The following SRFBP1 variants were observed in gnomAD, a reference collection of about 807,000 sequenced individuals.
SRFBP1 encodes serum response factor-binding protein 1.
SRFBP1 carries 47 observed loss-of-function variants against 45.5 expected under a neutral mutation model. The ratio of observed to expected loss-of-function variants is 1.03; its 90% CI spans 0.82 to 1.32. SRFBP1 has a LOEUF of 1.32. SRFBP1 is among the 40% of genes most tolerant of loss of function. The pLI is 0.00. For missense variants in SRFBP1, 621 were observed against 484.6 expected (o/e 1.28, Z -2.64); for synonymous variants, 203 against 166.3 (o/e 1.22, Z -1.70).
At chr5:122,014,692 G>C (rs1002137617) in intron 4 of SRFBP1, among the ~76,000 whole-genome samples, 1 of 152,148 alleles carries the variant, frequency 6.6e-6, no homozygotes, top group Non-Finnish European at 1.5e-5. Flanking sequence ...GTTAGTCTGG[G>C]ATATCTTCCA....
In SRFBP1 at chr5:121,975,302, G is replaced by A. The variant is rs1169864545; in HGVS notation, c.126-13G>A. On this transcript the variant is annotated splice_polypyrimidine_tract_variant and intron_variant, in intron 2 of 7. Coordinates refer to ENST00000339397, the MANE Select transcript of SRFBP1 (RefSeq NM_152546.3). ...GCTTTGCCTGGCTACATATCGTAAT[G>A]TATTTTTTGCAGGGGTACTGAAGAT... 2 of 1,611,876 alleles carry A rather than the reference G, an allele frequency of 1.2e-6. No homozygotes were observed. Among genetic ancestry groups the A allele is most frequent in the Non-Finnish European group, 1.7e-6 (2 of 1,178,376 alleles).
intron 4 of SRFBP1, among the ~76,000 whole-genome samples, chr5:122,014,433 C>G (rs991248753): frequency 6.6e-6 from 1 of 152,146 alleles, no homozygotes; most frequent in East Asian, 1.9e-4. Flanking sequence ...GAGTGACTCT[C>G]CGGGGATTAT....
intron 2 of SRFBP1, among the ~76,000 whole-genome samples, chr5:122,042,369 C>T (rs1753786560): frequency 6.6e-6 from 1 of 152,034 alleles, no homozygotes; most frequent in African/African-American, 2.4e-5. Context: ...AGGGTTCAAG[C>T]GATCCTCCTA....
At chr5:121,975,126 A>C (rs116677943) in intron 2 of SRFBP1, among the ~76,000 whole-genome samples, 189 bp from the exon 3 acceptor site, 1 of 151,958 alleles carries the variant, frequency 6.6e-6, no homozygotes, top group African/African-American at 2.4e-5. Context: ...ATTTTCCAAC[A>C]TATGGGTTTG....
chr5:122,029,796 T>G (rs984320370), downstream of SRFBP1, among the ~76,000 whole-genome samples: 3 of 152,170 alleles, frequency 2.0e-5, no homozygotes, highest in African/African-American at 7.2e-5. Context: ...ATTTCCTAGT[T>G]GTTTAATATA....
intron 4 of SRFBP1, among the ~76,000 whole-genome samples, chr5:122,001,459 A>G (rs949559029): frequency 6.8e-6 from 1 of 146,800 alleles, no homozygotes; most frequent in Non-Finnish European, 1.5e-5. Flanking sequence ...ATTTTACTCC[A>G]CACTAAGTGT....
At chr5:122,067,364 C>G (rs17148773) in intron 2 of SRFBP1, among the ~76,000 whole-genome samples, 1 of 151,454 alleles carries the variant, frequency 6.6e-6, no homozygotes, top group African/African-American at 2.4e-5. Flanking sequence ...TCACCTGGTC[C>G]GTACATTTTG....
intron 2 of SRFBP1, among the ~76,000 whole-genome samples, chr5:122,058,879 A>T (rs772604327): frequency 9.9e-5 from 15 of 152,176 alleles, no homozygotes; most frequent in Non-Finnish European, 2.1e-4. Context: ...ATTTATGCCA[A>T]CCAACTAAAA....
At chr5:121,974,391 C>CT in intron 2 of SRFBP1, 107 bp downstream of exon 2, 1 of 732,252 alleles carries the variant, frequency 1.4e-6, no homozygotes, top group Admixed American at 2.4e-5. Context: ...AATTAAATGT[C>CT]TTATACACCA....
intron 2 of SRFBP1, among the ~76,000 whole-genome samples, chr5:122,071,709 A>G (rs1056875220): frequency 6.6e-6 from 1 of 152,200 alleles, no homozygotes; most frequent in African/African-American, 2.4e-5. Context: ...TACATGCTAG[A>G]TTCATTTTAA....
chr5:122,024,329 A>G (rs1365476875), intron 7 of SRFBP1, among the ~76,000 whole-genome samples: 1 of 152,176 alleles, frequency 6.6e-6, no homozygotes, highest in Non-Finnish European at 1.5e-5. Flanking sequence ...GCTACCCACC[A>G]CTGAACTGCT....
At chr5:122,005,046 G>T (rs540118906) in intron 4 of SRFBP1, among the ~76,000 whole-genome samples, 1 of 152,172 alleles carries the variant, frequency 6.6e-6, no homozygotes, top group East Asian at 1.9e-4. Flanking sequence ...AAATGTGTTA[G>T]GCCTAATTTT....
chr5:122,061,405 A>AT (rs1220944716), intron 2 of SRFBP1, among the ~76,000 whole-genome samples: 1 of 150,402 alleles, frequency 6.6e-6, no homozygotes. Flanking sequence ...ATATAGCTCT[A>AT]TTTTTTTCTC....
intron 3 of SRFBP1, among the ~76,000 whole-genome samples, chr5:121,987,824 A>G (rs147418124): frequency 7.9e-5 from 12 of 152,244 alleles, no homozygotes; most frequent in African/African-American, 1.4e-4. Flanking sequence ...TGTTTACCCA[A>G]TCTCCCTTCC....
At chr5:121,972,993 TCAGTGAATAAGG>T (rs1752231190) in intron 1 of SRFBP1, among the ~76,000 whole-genome samples, 1 of 151,886 alleles carries the variant, frequency 6.6e-6, no homozygotes, top group Non-Finnish European at 1.5e-5. Flanking sequence ...GCTAATATCT[TCAGTGAATAAGG>T]GAGTGAATGA....
chr5:122,053,196 G>A (rs1315546030), intron 2 of SRFBP1, among the ~76,000 whole-genome samples: 3 of 152,130 alleles, frequency 2.0e-5, no homozygotes, highest in Non-Finnish European at 4.4e-5. Context: ...CAGAGTTCAG[G>A]TGGAAGCAGG....
chr5:122,026,999 G>C lies in SRFBP1; in HGVS notation c.1163G>C (p.Arg388Thr), dbSNP rs1305087606. ...CAGTTTAATAAGAAGCTATCAGGAA[G>C]ACTTGAAAATACAAAACAGCAATTG... ...KNQFNKKLSG[R>T]LENTKQQLQL... is the part of the protein sequence containing the mutation. Residue 388 changes from arginine (R) to threonine (T), a missense_variant, in exon 8 of 8, where the codon AGA (arginine) becomes ACA (threonine). Transcript: ENST00000339397. 1 of 1,613,056 alleles carries C rather than the reference G, an allele frequency of 6.2e-7. No homozygotes were observed. Among genetic ancestry groups the C allele is most frequent in the South Asian group, 1.1e-5 (1 of 91,000 alleles).
At position 121,962,036 on chromosome 5, in the gene SRFBP1, G is replaced by C; in HGVS notation, c.4G>C (p.Ala2Pro). The C allele has an allele frequency of 6.2e-7, 1 of 1,614,038 alleles. No individual in the cohort carries two copies. Among genetic ancestry groups the C allele is most frequent in the South Asian group, 1.1e-5 (1 of 91,082 alleles). ...GGATCATATTCCTTCATCTACCATG[G>C]CTCAGCCGGGAACTCTGAACCTCAA... M[A>P]QPGTLNLNNE... The change falls in exon 1 of 8, where the codon GCT becomes CCT. Residue 2 changes from alanine to proline, a missense_variant. Physicochemically the swap from Ala to Pro is conservative, Grantham distance 27. Coordinates refer to ENST00000339397, the MANE Select transcript of SRFBP1 (RefSeq NM_152546.3).
chr5:122,053,209 C>G (rs772106856), intron 2 of SRFBP1, among the ~76,000 whole-genome samples: 1 of 152,160 alleles, frequency 6.6e-6, no homozygotes, highest in African/African-American at 2.4e-5. Flanking sequence ...GAAGCAGGAC[C>G]ATTGAGTTGG....
Sources: allele counts gnomAD v4.1 joint callset (sites outside exome capture counted in the v4.1 genomes callset), GRCh38; gene constraint gnomAD v4.1.1; transcripts MANE v1.5; gene names NCBI Gene and HGNC (gene_info 2026-07-23, HGNC 2026-07-21).